The following CLEC4D variants were observed in gnomAD, a reference collection of about 807,000 sequenced individuals.
CLEC4D encodes C-type (calcium dependent, carbohydrate-recognition domain) lectin, superfamily member 8.
Under a neutral mutation model 21.1 loss-of-function variants are expected in CLEC4D, and 21 were observed. The ratio of observed to expected loss-of-function variants is 1.00; its 90% CI spans 0.71 to 1.43. The LOEUF is 1.43. Among genes scored for constraint, CLEC4D ranks in the 40% most tolerant of loss-of-function variants. CLEC4D has a pLI of 0.00. For synonymous variants in CLEC4D, 85 were observed against 83.1 expected, an observed-to-expected ratio of 1.02 and a Z score of -0.12; for missense variants, 289 against 260.7, an observed-to-expected ratio of 1.11 and a Z score of -0.75.
intron 2 of CLEC4D, among the ~76,000 whole-genome samples, chr12:8,515,771 C>A (rs1940371834): frequency 6.6e-6 from 1 of 151,888 alleles, no homozygotes; most frequent in Admixed American, 6.6e-5. Context: ...GTACGATTGA[C>A]ATATGAAAAC....
At position 8,520,160 on chromosome 12, in the gene CLEC4D, C is replaced by CT. The variant is rs1940439407; in HGVS notation, c.385-61dup. 1.7e-5 allele frequency: 27 copies of CT among 1,576,094 alleles called. No individual in the cohort carries two copies. In the South Asian group the frequency reaches 2.9e-4, roughly 17 times the overall value. Reference sequence around the variant, plus strand: ...CAGTAATCTAGTTGACATATTTCCTCTTTTTCCAACATCATAGCCATCACC... The same window carrying CT: ...CAGTAATCTAGTTGACATATTTCCTCTTTTTTCCAACATCATAGCCATCACC... On this transcript the variant is annotated intron_variant, in intron 4 of 5. Coordinates refer to ENST00000299665, the MANE Select transcript of CLEC4D (RefSeq NM_080387.5).
rs775893293 is a variant in CLEC4D, at chr12:8,513,774, C to T, written c.28+14C>T. ...CTCAAAGTAAACGTGAGTACTTTCT[C>T]TCCTTTCCATTTCAAAGAAGCAGAT... On this transcript the variant is annotated intron_variant, in intron 1 of 5. Coordinates refer to ENST00000299665, the MANE Select transcript of CLEC4D (RefSeq NM_080387.5). 1 of 1,023,196 alleles carries T rather than the reference C, an allele frequency of 9.8e-7. No homozygotes were observed. Among genetic ancestry groups the T allele is most frequent in the Non-Finnish European group, 1.6e-6 (1 of 642,604 alleles). The allele number at this position is 1,023,196 out of a possible 1,614,324, so 63.4% of individuals were successfully genotyped here. A position where few individuals can be genotyped will look rare whatever the true frequency, so the allele number is the denominator to read the frequency against.
chr12:8,527,099 C>T (rs1383869257), downstream of CLEC4D, among the ~76,000 whole-genome samples: 1 of 152,150 alleles, frequency 6.6e-6, no homozygotes, highest in East Asian at 1.9e-4. Flanking sequence ...CCTTCAGGAG[C>T]ACCAACCTGA....
At chr12:8,515,412 C>T (rs1940366005) in intron 2 of CLEC4D, 84 bp downstream of exon 2, 3 of 769,860 alleles carry the variant, frequency 3.9e-6, no homozygotes, top group Non-Finnish European at 7.0e-6. Context: ...CTTTTGGTAT[C>T]TTGATTTTTC....
chr12:8,517,802 C>T (rs772644906), intron 2 of CLEC4D, among the ~76,000 whole-genome samples: 14 of 152,028 alleles, frequency 9.2e-5, no homozygotes, highest in African/African-American at 3.4e-4. Flanking sequence ...AAAAATTAGC[C>T]GGACGTGGTG....
At chr12:8,517,712 C>G (rs895729511) in intron 2 of CLEC4D, among the ~76,000 whole-genome samples, 1 of 151,852 alleles carries the variant, frequency 6.6e-6, no homozygotes, top group Non-Finnish European at 1.5e-5. Context: ...TTTGGGAGGC[C>G]GAGGCAGGCG....
chr12:8,518,103 C>T, intron 2 of CLEC4D, 61 bp from the exon 3 acceptor site: 1 of 725,568 alleles, frequency 1.4e-6, no homozygotes, highest in Non-Finnish European at 2.4e-6. Context: ...AGGTCAGCCC[C>T]TATTTCCCTA....
chr12:8,526,774 T>G (rs186391685), downstream of CLEC4D, among the ~76,000 whole-genome samples: 2 of 152,324 alleles, frequency 1.3e-5, no homozygotes, highest in Admixed American at 1.3e-4. Flanking sequence ...CACTCTTGTC[T>G]TTTGGGTTTT....
chr12:8,515,259 C>A lies in CLEC4D; in HGVS notation c.52C>A (p.Leu18Met), dbSNP rs774087476. ...AGTGGAAGGAGGCATGCATCCCCAG[C>A]TGATACCTTCGGTTATTGCTGTAGT... ...SKLEGGMHPQ[L>M]IPSVIAVVFI... Residue 18 changes from leucine to methionine, a missense_variant, in exon 2 of 6, where the codon CTG (leucine) becomes ATG (methionine). Coordinates refer to ENST00000299665, the MANE Select transcript of CLEC4D (RefSeq NM_080387.5). 1.3e-6 allele frequency: 2 copies of A among 1,504,520 alleles called. No individual in the cohort carries two copies. The highest frequency in any genetic ancestry group is 1.9e-6 in the Non-Finnish European group (2 of 1,080,714). The allele number at this position is 1,504,520 out of a possible 1,614,324, so 93.2% of individuals were successfully genotyped here.
At chr12:8,516,895 A>G (rs1223243635) in intron 2 of CLEC4D, among the ~76,000 whole-genome samples, 1 of 152,230 alleles carries the variant, frequency 6.6e-6, no homozygotes, top group Non-Finnish European at 1.5e-5. Flanking sequence ...CAGGAAGACA[A>G]TAGTTCACTT....
chr12:8,530,328 G>T, the CLEC4D span, among the ~76,000 whole-genome samples: 9,889 of 151,898 alleles, frequency 0.065, 1,093 homozygotes, highest in African/African-American at 0.23. Flanking sequence ...ATGACCAAAA[G>T]AACTGGAAGG....
rs1026460890 is a variant in CLEC4D, at chr12:8,517,897, A to G, written c.122-267A>G. On this transcript the variant is annotated intron_variant, in intron 2 of 5. Coordinates refer to ENST00000299665, the MANE Select transcript of CLEC4D (RefSeq NM_080387.5). ...GGAGGCGGAGCTTGCAGTGAGCCGA[A>G]ATCGCGCCACTGCACTCCAGCCTGG... Among the ~76,000 whole-genome samples, 5 of 152,028 alleles carry G rather than the reference A, an allele frequency of 3.3e-5. No individual in the cohort carries two copies. The East Asian group carries it at 5.8e-4, about 18-fold the overall frequency.
rs1940336478 is a variant in CLEC4D at position 8,513,610 on chromosome 12, C to A, written c.-123C>A. ...TTTCTAATCTCACTACAATATGTAA[C>A]ATTGGTGTTCGATCTCAAGTATTTC... On this transcript the variant is annotated 5_prime_UTR_variant, in exon 1 of 6. Transcript: ENST00000299665. 1.7e-6 allele frequency: 1 copy of A among 594,856 alleles called. No individual in the cohort carries two copies. Among genetic ancestry groups the A allele is most frequent in the Non-Finnish European group, 3.1e-6 (1 of 323,198 alleles). The allele number at this position is 594,856 out of a possible 1,614,324, so 36.8% of individuals were successfully genotyped here. A position where few individuals can be genotyped will look rare whatever the true frequency, so the allele number is the denominator to read the frequency against.
chr12:8,529,102 AT>A, the CLEC4D span, among the ~76,000 whole-genome samples: 1 of 152,178 alleles, frequency 6.6e-6, no homozygotes, highest in Non-Finnish European at 1.5e-5. Flanking sequence ...ATTACAAAAT[AT>A]TTTCTTTTTT....
At chr12:8,516,382 A>T (rs1056775492) in intron 2 of CLEC4D, among the ~76,000 whole-genome samples, 9 of 152,362 alleles carry the variant, frequency 5.9e-5, no homozygotes, top group Non-Finnish European at 7.3e-5. Flanking sequence ...CATGTAGATT[A>T]TATACAAATT....
rs1940456591 is a variant in CLEC4D at position 8,521,376 on chromosome 12, AC to A, written c.*106del. 6.7e-7 allele frequency: 1 copy of A among 1,490,158 alleles called. No homozygotes were observed. Among genetic ancestry groups the A allele is most frequent in the Non-Finnish European group, 8.9e-7 (1 of 1,126,484 alleles). 92.3% of individuals were successfully genotyped at this position (1,490,158 alleles called of 1,614,324 possible). On this transcript the variant is annotated 3_prime_UTR_variant, in exon 6 of 6. Transcript: ENST00000299665. ...GAACACAGAAAACATGCTGGTTCAT[AC>A]AGCGTTTTTAGTCATAATGGTCTTT...
At chr12:8,517,842 A>G (rs2136385942) in intron 2 of CLEC4D, among the ~76,000 whole-genome samples, 1 of 152,226 alleles carries the variant, frequency 6.6e-6, no homozygotes, top group Non-Finnish European at 1.5e-5. Context: ...GCTACTCGGG[A>G]GGCTGAGGCA....
At chr12:8,531,564 T>C in the CLEC4D span, among the ~76,000 whole-genome samples, 3 of 152,200 alleles carry the variant, frequency 2.0e-5, no homozygotes, top group Non-Finnish European at 4.4e-5. Context: ...TTTGAGGTAA[T>C]GAATGTGCTA....
intron 1 of CLEC4D, 48 bp downstream of exon 1, chr12:8,513,808 AC>A (rs1419954302): frequency 7.0e-6 from 6 of 857,596 alleles, no homozygotes; most frequent in Non-Finnish European, 1.0e-5. Context: ...ATGGAATTAT[AC>A]TAATTTAAAA....
Sources: allele counts gnomAD v4.1 joint callset (sites outside exome capture counted in the v4.1 genomes callset), GRCh38; gene constraint gnomAD v4.1.1; transcripts MANE v1.5; gene names NCBI Gene and HGNC (gene_info 2026-07-23, HGNC 2026-07-21).